The following ZNF99 variants were observed in gnomAD, a reference collection of about 807,000 sequenced individuals.
ZNF99 encodes the protein zinc finger protein 99.
ZNF99 carries 8 observed loss-of-function variants against 12.8 expected under a neutral mutation model. The observed-to-expected ratio is 0.62, with a 90% CI of 0.37 to 1.13. ZNF99 has a LOEUF of 1.13. Among genes scored for constraint, ZNF99 ranks in the 50% most tolerant of loss-of-function variants. The pLI, the probability that ZNF99 is intolerant of heterozygous loss-of-function variation, is 0.02. For missense variants in ZNF99, 1,007 were observed against 1,006.2 expected, an observed-to-expected ratio of 1.00 and a Z score of -0.01; for synonymous variants, 318 against 319.0, an observed-to-expected ratio of 1.00 and a Z score of 0.03.
chr19:22,763,078 A>C (rs1973166877), intron 3 of ZNF99, among the ~76,000 whole-genome samples: 1 of 152,128 alleles, frequency 6.6e-6, no homozygotes, highest in Admixed American at 6.5e-5. Context: ...CTGGAACAAG[A>C]CAAGGATGCC....
intron 3 of ZNF99, among the ~76,000 whole-genome samples, chr19:22,760,742 T>C (rs1973141810): frequency 6.6e-6 from 1 of 151,254 alleles, no homozygotes; most frequent in Non-Finnish European, 1.5e-5. Context: ...AGACTCTGTC[T>C]CAAAAAAAAA....
intron 1 of ZNF99, among the ~76,000 whole-genome samples, chr19:22,775,074 A>G (rs1568387604): frequency 6.6e-6 from 1 of 152,204 alleles, no homozygotes; most frequent in Non-Finnish European, 1.5e-5. Flanking sequence ...TAAAATTCAT[A>G]TGGAACCATA....
intron 1 of ZNF99, among the ~76,000 whole-genome samples, chr19:22,783,526 G>C (rs1231401634): frequency 6.6e-6 from 1 of 152,068 alleles, no homozygotes; most frequent in Non-Finnish European, 1.5e-5. Flanking sequence ...CCCTTCCATA[G>C]ACCATAAACT....
Position 22,763,435 on chromosome 19 carries a change from G to T in ZNF99, c.227-3753C>A, listed in dbSNP as rs372556411. The stretch of plus-strand genomic sequence containing the variant: ...AATATACCTAACCAAGGAGGTAAAA[G>T]ACCTCTACAAGGAAAACTACAAAAC... On this transcript the variant is annotated intron_variant, in intron 3 of 3. Transcript: ENST00000596209. 1.1e-4 allele frequency among the ~76,000 whole-genome samples: 17 copies of T among 151,590 alleles called. No homozygotes were observed. The South Asian group carries it at 3.3e-3, about 30-fold the overall frequency.
chr19:22,767,993 A>T (rs191858844), intron 3 of ZNF99, among the ~76,000 whole-genome samples: 37 of 152,362 alleles, frequency 2.4e-4, no homozygotes, highest in Admixed American at 2.4e-3. Context: ...TCTCAAAACT[A>T]TACAGATATT....
chr19:22,784,001 C>T lies in ZNF99; in HGVS notation c.3+13G>A. 1 of 1,613,872 alleles carries T rather than the reference C, an allele frequency of 6.2e-7. No individual in the cohort carries two copies. The highest frequency in any genetic ancestry group is 1.1e-5 in the South Asian group (1 of 91,074). On this transcript the variant is annotated intron_variant, in intron 1 of 3. Coordinates refer to ENST00000596209, the MANE Select transcript of ZNF99 (RefSeq NM_001080409.3). The stretch of plus-strand genomic sequence containing the variant: ...CCTTCCCCTTCTCAGGATATCGGAC[C>T]CGGCACTCTCACCATTTCTAAGCTT...
chr19:22,758,276 C>T lies in ZNF99; in HGVS notation c.1633G>A (p.Ala545Thr), dbSNP rs1451284834. The T allele has an allele frequency of 6.2e-7, 1 of 1,609,774 alleles. No individual in the cohort carries two copies. Among genetic ancestry groups the T allele is most frequent in the East Asian group, 2.2e-5 (1 of 44,582 alleles). Reference protein sequence around the residue: ...KPYKCEECGKAFNNSSTLMKH... With the variant: ...KPYKCEECGKTFNNSSTLMKH... Reference sequence around the variant, plus strand: ...ATAAGGGTTGAGGAATTGTTAAAAGCTTTGCCACATTCTTCACATTTGTAG... The same window carrying T: ...ATAAGGGTTGAGGAATTGTTAAAAGTTTTGCCACATTCTTCACATTTGTAG... The change falls in exon 4 of 4, where the codon GCT (alanine) becomes ACT (threonine). Residue 545 changes from alanine (A) to threonine (T), a missense_variant. By Grantham distance (58) the Ala-to-Thr change is moderately conservative. Coordinates refer to ENST00000596209, the MANE Select transcript of ZNF99 (RefSeq NM_001080409.3).
intron 1 of ZNF99, among the ~76,000 whole-genome samples, chr19:22,780,355 T>C (rs1973373857): frequency 6.6e-6 from 1 of 152,232 alleles, no homozygotes; most frequent in Non-Finnish European, 1.5e-5. Context: ...AAAGTATCTA[T>C]TCTTTTCAGA....
chr19:22,771,714 CTTTTTTTTTTT>C (rs34457637), intron 1 of ZNF99, among the ~76,000 whole-genome samples: 1 of 91,142 alleles, frequency 1.1e-5, no homozygotes, highest in African/African-American at 4.2e-5. Flanking sequence ...ACAGGTGAAA[CTTTTTTTTTTT>C]TTTTTTTTTT....
chr19:22,760,884 TAAAAA>T (rs5827535), intron 3 of ZNF99, among the ~76,000 whole-genome samples: 5 of 118,280 alleles, frequency 4.2e-5, no homozygotes, highest in African/African-American at 1.6e-4. Flanking sequence ...ATTCTTTATC[TAAAAA>T]AAAAAAAAAA....
intron 1 of ZNF99, among the ~76,000 whole-genome samples, chr19:22,782,685 AAT>A (rs1973402362): frequency 2.3e-5 from 1 of 43,638 alleles, no homozygotes; most frequent in Non-Finnish European, 4.0e-5. Flanking sequence ...TTTTTTTTTT[AAT>A]ATGAGAGGGA....
intron 3 of ZNF99, among the ~76,000 whole-genome samples, chr19:22,764,666 G>A (rs1316067050): frequency 6.6e-6 from 1 of 151,770 alleles, no homozygotes; most frequent in Non-Finnish European, 1.5e-5. Context: ...TCAAAACTGA[G>A]CTAAGGACAC....
In ZNF99 at chr19:22,755,042, G is replaced by C. The variant is rs144469941; in HGVS notation, c.*2272C>G. On this transcript the variant is annotated 3_prime_UTR_variant, in exon 4 of 4. Transcript: ENST00000596209. Reference sequence around the variant, plus strand: ...GCCGAGATTGTGCCACTGCACTCCAGAGCCTGGGCAACTAGGGCGAAACTC... The same window carrying C: ...GCCGAGATTGTGCCACTGCACTCCACAGCCTGGGCAACTAGGGCGAAACTC... 6.5e-4 allele frequency: 107 copies of C among 165,698 alleles called. No individual in the cohort carries two copies. Among genetic ancestry groups the C allele is most frequent in the Admixed American group, 3.2e-3 (50 of 15,760 alleles). The allele number at this position is 165,698 out of a possible 1,614,324, so 10.3% of individuals were successfully genotyped here.
At chr19:22,782,512 C>T (rs1973399333) in intron 1 of ZNF99, among the ~76,000 whole-genome samples, 1 of 151,690 alleles carries the variant, frequency 6.6e-6, no homozygotes, top group South Asian at 2.1e-4. Context: ...CAGGCATGTG[C>T]CACCACACCT....
rs1973098532 is a variant in ZNF99, at chr19:22,758,225, T to A, written c.1684A>T (p.Lys562Ter). The stretch of plus-strand genomic sequence containing the variant: ...CATTCTTCACATTTGTATGGTTTCT[T>A]CCCAGTATGAATTATCTTATGTTTC... The part of the protein sequence containing the change: ...LMKHKIIHTG[K>*]KPYKCEECGK... The change falls in exon 4 of 4, where the codon AAG (lysine) becomes TAG (stop). Residue 562 changes from lysine to a stop codon, truncating the protein, a stop_gained. Coordinates refer to ENST00000596209, the MANE Select transcript of ZNF99 (RefSeq NM_001080409.3). LOFTEE classifies it low-confidence loss of function (END_TRUNC). The A allele has an allele frequency of 1.2e-6, 2 of 1,610,388 alleles. No homozygotes were observed. The highest frequency in any genetic ancestry group is 1.3e-5 in the African/African-American group (1 of 74,332).
Position 22,759,572 on chromosome 19 carries a change from A to G in ZNF99, c.337T>C (p.Leu113=), listed in dbSNP as rs1251702240. ...YARCGHKNLR[L]RKDCESVNEG... Reference sequence around the variant, plus strand: ...TTGACACTTTCACAATCTTTTCTTAATCGTAAATTCTTATGTCCACATCTT... The same window carrying G: ...TTGACACTTTCACAATCTTTTCTTAGTCGTAAATTCTTATGTCCACATCTT... The change falls in exon 4 of 4, where the codon TTA becomes CTA. Residue 113 remains leucine, a synonymous_variant. Coordinates refer to ENST00000596209, the MANE Select transcript of ZNF99 (RefSeq NM_001080409.3). 6.2e-7 allele frequency: 1 copy of G among 1,611,816 alleles called. No homozygotes were observed. The highest frequency in any genetic ancestry group is 8.5e-7 in the Non-Finnish European group (1 of 1,179,282).
chr19:22,759,729 T>C, intron 3 of ZNF99, 47 bp from the exon 4 acceptor site: 1 of 1,334,058 alleles, frequency 7.5e-7, no homozygotes, highest in Non-Finnish European at 1.0e-6. Context: ...TAGACTCAGA[T>C]GAATATACTT....
At position 22,754,556 on chromosome 19, in the gene ZNF99, T is replaced by C. The variant is rs1379466114; in HGVS notation, c.*2758A>G. On this transcript the variant is annotated 3_prime_UTR_variant, in exon 4 of 4. Coordinates refer to ENST00000596209, the MANE Select transcript of ZNF99 (RefSeq NM_001080409.3). ...AGTTGAAGACCAGTTAAAGACTTTGTTACATTCTTCACATTTGTCGGGTTT... is the reference window on the plus strand; with the variant it reads ...AGTTGAAGACCAGTTAAAGACTTTGCTACATTCTTCACATTTGTCGGGTTT... 9.4e-6 allele frequency: 4 copies of C among 425,684 alleles called. No homozygotes were observed. Among genetic ancestry groups the C allele is most frequent in the Admixed American group, 8.7e-5 (3 of 34,496 alleles). 26.4% of individuals were successfully genotyped at this position (425,684 alleles called of 1,614,324 possible). A position where few individuals can be genotyped will look rare whatever the true frequency, so the allele number is the denominator to read the frequency against.
chr19:22,755,084 A>AC lies in ZNF99; in HGVS notation c.*2229_*2230insG, dbSNP rs1973031378. ...GCGAAACTCTGTTTCAAAAAAAAAA[A>AC]AAAAAAAATTGAAGAATGCTTATGG... is the stretch of plus-strand genomic sequence containing the variant. On this transcript the variant is annotated 3_prime_UTR_variant, in exon 4 of 4. Transcript: ENST00000596209. 6.3e-6 allele frequency: 1 copy of AC among 158,806 alleles called. No homozygotes were observed. The highest frequency in any genetic ancestry group is 1.3e-5 in the Non-Finnish European group (1 of 74,168). The allele number at this position is 158,806 out of a possible 1,614,324, so 9.8% of individuals were successfully genotyped here. A position where few individuals can be genotyped will look rare whatever the true frequency, so the allele number is the denominator to read the frequency against.
Sources: allele counts gnomAD v4.1 joint callset (sites outside exome capture counted in the v4.1 genomes callset), GRCh38; gene constraint gnomAD v4.1.1; transcripts MANE v1.5; gene names NCBI Gene and HGNC (gene_info 2026-07-23, HGNC 2026-07-21).